The following UBR2 variants were observed in gnomAD, a reference collection of about 807,000 sequenced individuals.
UBR2 encodes the protein E3 ubiquitin-protein ligase UBR2.
In UBR2, 92 loss-of-function variants were observed where a neutral mutation model predicts 247.9. That is an observed-to-expected ratio of 0.37 (90% CI 0.31 to 0.44). UBR2 has a LOEUF of 0.44. Ranked by LOEUF, UBR2 falls within the 20% of genes least tolerant of loss-of-function variation. UBR2 has a pLI of 1.00. For synonymous variants in UBR2, 672 were observed against 693.5 expected, an observed-to-expected ratio of 0.97 and a Z score of 0.49; for missense variants, 1,613 against 2,112.6, an observed-to-expected ratio of 0.76 and a Z score of 4.64.
intron 16 of UBR2, 137 bp downstream of exon 16, chr6:42,640,407 TGTGTGTGTGTGTG>T: frequency 2.0e-6 from 1 of 511,006 alleles, no homozygotes; most frequent in East Asian, 3.5e-5. Flanking sequence ...TGTGTGTGTG[TGTGTGTGTGTGTG>T]TGTGTGTGTG....
intron 15 of UBR2, among the ~76,000 whole-genome samples, chr6:42,639,057 AAC>A (rs1052313055): frequency 5.3e-5 from 8 of 152,212 alleles, no homozygotes; most frequent in African/African-American, 1.2e-4. Context: ...TAAGTAAACC[AAC>A]ACAAAACAGT....
chr6:42,645,572 AAAGT>A lies in UBR2; in HGVS notation c.2392_2395del (p.Lys798LeufsTer15). On this transcript the variant is annotated frameshift_variant, in exon 21 of 47. Transcript: ENST00000372901. LOFTEE classifies it high-confidence loss of function. ...AGCCTATGGCTCATAGTGAATTGGT[AAAGT>A]CTTTACCTGAAGATGTAAGTACCTA... 1 of 1,613,202 alleles carries A rather than the reference AAAGT, an allele frequency of 6.2e-7. No individual in the cohort carries two copies. The highest frequency in any genetic ancestry group is 8.5e-7 in the Non-Finnish European group (1 of 1,179,760).
At chr6:42,645,722 C>A in intron 21 of UBR2, 132 bp downstream of exon 21, 2 of 906,454 alleles carry the variant, frequency 2.2e-6, no homozygotes, top group Non-Finnish European at 3.3e-6. Flanking sequence ...TGTATAATTC[C>A]GGTCACTCTT....
rs2152000759 is a variant in UBR2 at position 42,691,777 on chromosome 6, T to A, written c.*604T>A. Reference sequence around the variant, plus strand: ...GTGCTGGCTGGTTTTTCAGGGCTGTTAGAGGTTTTTTTTTTTTCTTTTTTT... The same window carrying A: ...GTGCTGGCTGGTTTTTCAGGGCTGTAAGAGGTTTTTTTTTTTTCTTTTTTT... On this transcript the variant is annotated 3_prime_UTR_variant, in exon 47 of 47. Coordinates refer to ENST00000372901, the MANE Select transcript of UBR2 (RefSeq NM_001363705.2). 1.4e-5 allele frequency: 2 copies of A among 146,814 alleles called. No individual in the cohort carries two copies. The highest frequency in any genetic ancestry group is 1.4e-4 in the Admixed American group (2 of 14,736). 9.1% of individuals were successfully genotyped at this position (146,814 alleles called of 1,614,324 possible).
intron 40 of UBR2, among the ~76,000 whole-genome samples, chr6:42,677,666 C>G (rs2151988672): frequency 6.6e-6 from 1 of 152,214 alleles, no homozygotes; most frequent in African/African-American, 2.4e-5. Flanking sequence ...GTGGTTCTAT[C>G]TTCTCAGGAG....
At chr6:42,568,111 AT>A (rs1387249164) in intron 1 of UBR2, among the ~76,000 whole-genome samples, 1 of 152,184 alleles carries the variant, frequency 6.6e-6, no homozygotes, top group Non-Finnish European at 1.5e-5. Flanking sequence ...TTAGGTCTGT[AT>A]TGGTTATCTT....
At chr6:42,671,410 TA>T (rs56409458) in intron 36 of UBR2, among the ~76,000 whole-genome samples, 129,417 of 145,772 alleles carry the variant, frequency 0.89, 57,373 homozygotes, top group East Asian at 0.98. Context: ...ATCCTATCTT[TA>T]AAAAAAAAAA....
intron 30 of UBR2, among the ~76,000 whole-genome samples, chr6:42,660,211 G>C (rs936874023): frequency 2.6e-5 from 4 of 152,206 alleles, no homozygotes; most frequent in African/African-American, 9.6e-5. Context: ...GATAGAGCCT[G>C]AGTGGAATCT....
rs756920996 is a variant in UBR2 at position 42,658,646 on chromosome 6, A to G, written c.3064A>G (p.Ser1022Gly). 14 of 1,592,926 alleles carry G rather than the reference A, an allele frequency of 8.8e-6. No homozygotes were observed. Among genetic ancestry groups the G allele is most frequent in the Non-Finnish European group, 1.2e-5 (14 of 1,173,952 alleles). Reference protein sequence around the residue: ...AETEGTIMEESSRDKDKAERK... With the variant: ...AETEGTIMEEGSRDKDKAERK... The stretch of plus-strand genomic sequence containing the variant: ...CTAATTGAATGGAGCATAATTTCAG[A>G]GTTCAAGGGACAAAGACAAAGCTGA... The change falls in exon 29 of 47, where the codon AGT (serine) becomes GGT (glycine). Residue 1022 changes from serine (S) to glycine (G), a missense_variant and splice_region_variant. By Grantham distance (56) the Ser-to-Gly change is moderately conservative. Coordinates refer to ENST00000372901, the MANE Select transcript of UBR2 (RefSeq NM_001363705.2).
intron 25 of UBR2, among the ~76,000 whole-genome samples, chr6:42,654,297 G>T (rs7754917): frequency 1.3e-5 from 2 of 152,206 alleles, no homozygotes; most frequent in Non-Finnish European, 2.9e-5. Context: ...ATAATGGAGA[G>T]AAGAGGTGTG....
At chr6:42,601,757 G>A (rs949306121) in intron 4 of UBR2, among the ~76,000 whole-genome samples, 2 of 151,588 alleles carry the variant, frequency 1.3e-5, no homozygotes. Flanking sequence ...TAGGTAAAAG[G>A]TGCTATAAAC....
At chr6:42,642,554 T>G in intron 18 of UBR2, 73 bp downstream of exon 18, 1 of 1,229,644 alleles carries the variant, frequency 8.1e-7, no homozygotes, top group Non-Finnish European at 1.2e-6. Flanking sequence ...TAGAATTCAG[T>G]CACTTGTGAT....
At chr6:42,568,603 G>A (rs1227661793) in intron 1 of UBR2, among the ~76,000 whole-genome samples, 2 of 151,948 alleles carry the variant, frequency 1.3e-5, no homozygotes, top group Non-Finnish European at 2.9e-5. Context: ...GGTGGCAGGC[G>A]CCTGTGGTCC....
chr6:42,679,617 A>G (rs1287137551), intron 41 of UBR2, 107 bp from the exon 42 acceptor site: 1 of 807,190 alleles, frequency 1.2e-6, no homozygotes, highest in Non-Finnish European at 2.0e-6. Context: ...TACCTGGCAA[A>G]TTGGAAGTCT....
At chr6:42,682,985 G>C in intron 42 of UBR2, 70 bp from the exon 43 acceptor site, 1 of 1,364,916 alleles carries the variant, frequency 7.3e-7, no homozygotes, top group East Asian at 2.4e-5. Flanking sequence ...ATTGGCTATG[G>C]AGGGGAAAAA....
At chr6:42,599,673 GAGGTCTTGCTCTGTTTCCCAGGCTGA>G (rs1793233639) in intron 4 of UBR2, among the ~76,000 whole-genome samples, 2 of 151,954 alleles carry the variant, frequency 1.3e-5, no homozygotes, top group African/African-American at 4.8e-5. Context: ...TTGTTGAGAT[GAGGTCTTGCTCTGTTTCCCAGGCTGA>G]AGTAGAGTGG....
At chr6:42,584,187 G>T (rs1225516649) in intron 2 of UBR2, among the ~76,000 whole-genome samples, 3 of 151,794 alleles carry the variant, frequency 2.0e-5, no homozygotes, top group Non-Finnish European at 4.4e-5. Flanking sequence ...GTAGAGACGG[G>T]ATTTCTCCAT....
At chr6:42,626,661 CT>C (rs1258089586) in intron 11 of UBR2, among the ~76,000 whole-genome samples, 1 of 152,208 alleles carries the variant, frequency 6.6e-6, no homozygotes, top group East Asian at 1.9e-4. Context: ...ATCCCCACCC[CT>C]GACACATAAC....
intron 4 of UBR2, among the ~76,000 whole-genome samples, chr6:42,597,793 G>C (rs1227789606): frequency 6.6e-6 from 1 of 152,016 alleles, no homozygotes; most frequent in Non-Finnish European, 1.5e-5. Flanking sequence ...GCACATGCCT[G>C]TAATCCCAGC....
Sources: allele counts gnomAD v4.1 joint callset (sites outside exome capture counted in the v4.1 genomes callset), GRCh38; gene constraint gnomAD v4.1.1; transcripts MANE v1.5; gene names NCBI Gene and HGNC (gene_info 2026-07-23, HGNC 2026-07-21).